Variants in FER observed in about 807,000 individuals in gnomAD.
The protein encoded by FER is FER tyrosine kinase, also known as tyrosine-protein kinase Fer.
Under a neutral mutation model 111.0 loss-of-function variants are expected in FER, and 63 were observed. The ratio of observed to expected loss-of-function variants is 0.57; its 90% confidence interval spans 0.46 to 0.70. FER has a LOEUF of 0.70. FER is among the 30% of genes least tolerant of loss of function. FER has a pLI of 0.00. For synonymous variants in FER, 327 were observed against 313.9 expected (o/e 1.04, Z -0.44); for missense variants, 914 against 954.0 (o/e 0.96, Z 0.55).
intron 16 of FER, among the ~76,000 whole-genome samples, chr5:109,048,336 T>C (rs2149915673): frequency 6.6e-6 from 1 of 152,316 alleles, no homozygotes; most frequent in South Asian, 2.1e-4. Flanking sequence ...GTTAAGTACA[T>C]TGTATGTTTT....
intron 11 of FER, 26 bp from the exon 12 acceptor site, chr5:108,954,703 T>G (rs1581379126): frequency 2.5e-6 from 2 of 803,706 alleles, no homozygotes; most frequent in African/African-American, 3.1e-5. Flanking sequence ...TCTAATTTAG[T>G]TTTTTTTTTT....
Position 109,100,513 on chromosome 5 carries a change from T to C in FER, c.2042T>C (p.Ile681Thr). 1 of 1,609,666 alleles carries C rather than the reference T, an allele frequency of 6.2e-7. No homozygotes were observed. The highest frequency in any genetic ancestry group is 8.5e-7 in the Non-Finnish European group (1 of 1,177,302). ...TTGTATCTCGAGAGTAAAAACTGTA[T>C]ACACAGGTAAGGAGAACATTTTTAA... The part of the protein sequence containing the change: ...GMLYLESKNC[I>T]HRDLAARNCL... Residue 681 changes from isoleucine to threonine, a missense_variant, in exon 17 of 20, where the codon ATA becomes ACA. Around this residue, in one of 3 missense-constraint regions of FER, gnomAD observed 774 missense variants for 782.6 expected, o/e 0.99. Coordinates refer to ENST00000281092, the MANE Select transcript of FER (RefSeq NM_005246.4).
rs551929860 is a variant in FER at position 108,871,130 on chromosome 5, G to A, written c.666-235G>A. ...TCAAATACATTTTTGAAAAGGTAAT[G>A]CCATATTCTATATCATTTGTAATTA... On this transcript the variant is annotated intron_variant, in intron 6 of 19. Transcript: ENST00000281092. 3.3e-5 allele frequency among the ~76,000 whole-genome samples: 5 copies of A among 152,108 alleles called. No homozygotes were observed. In the South Asian group the frequency reaches 1.0e-3, roughly 32 times the overall value.
At chr5:109,089,956 G>A (rs1267790985) in intron 16 of FER, among the ~76,000 whole-genome samples, 1 of 152,158 alleles carries the variant, frequency 6.6e-6, no homozygotes. Context: ...GAGAAAGTCT[G>A]GCTTGGCTTA....
chr5:109,074,899 A>G (rs1383429457), intron 16 of FER, among the ~76,000 whole-genome samples: 2 of 152,260 alleles, frequency 1.3e-5, no homozygotes, highest in African/African-American at 4.8e-5. Flanking sequence ...GTGATTAAAG[A>G]ACAAATGATT....
chr5:109,099,724 A>G (rs1457433704), intron 16 of FER, among the ~76,000 whole-genome samples: 1 of 151,638 alleles, frequency 6.6e-6, no homozygotes, highest in African/African-American at 2.4e-5. Context: ...TGTGGCTACT[A>G]GTAAACTTCA....
chr5:108,845,025 T>C (rs1228770055), intron 5 of FER, among the ~76,000 whole-genome samples: 52 of 54,500 alleles, frequency 9.5e-4, no homozygotes, highest in Non-Finnish European at 1.2e-3. Flanking sequence ...TATATATATA[T>C]ATATATATAT....
chr5:108,953,371 A>G (rs1758012174), intron 11 of FER, among the ~76,000 whole-genome samples: 1 of 151,996 alleles, frequency 6.6e-6, no homozygotes, highest in African/African-American at 2.4e-5. Flanking sequence ...ATGAAAATTA[A>G]AAGACTTAGT....
Position 108,832,475 on chromosome 5 carries a change from C to T in FER, c.208-295C>T, listed in dbSNP as rs539181514. 3.9e-5 allele frequency among the ~76,000 whole-genome samples: 6 copies of T among 152,190 alleles called. No homozygotes were observed. The South Asian group carries it at 1.2e-3, about 32-fold the overall frequency. ...AGCAGTATTTCAGTGTGCTGGAAAA[C>T]AAATGAGAAGTGAACAAATGAAGAC... On this transcript the variant is annotated intron_variant, in intron 3 of 19. Transcript: ENST00000281092.
intron 10 of FER, among the ~76,000 whole-genome samples, chr5:108,931,321 AT>A (rs571215538): frequency 3.3e-5 from 5 of 150,918 alleles, no homozygotes; most frequent in South Asian, 2.1e-4. Flanking sequence ...TTTTCCATGT[AT>A]TTTTTTTTCC....
intron 16 of FER, among the ~76,000 whole-genome samples, chr5:109,052,613 A>C (rs1177954): frequency 6.6e-6 from 1 of 152,232 alleles, no homozygotes; most frequent in Non-Finnish European, 1.5e-5. Flanking sequence ...CTTTCCTCAC[A>C]CCTTCCCCCA....
intron 13 of FER, among the ~76,000 whole-genome samples, chr5:108,999,685 G>A (rs1258124200): frequency 1.4e-5 from 2 of 144,636 alleles, no homozygotes; most frequent in Non-Finnish European, 3.0e-5. Context: ...TTTCATTTAT[G>A]TACACCTTTA....
intron 16 of FER, among the ~76,000 whole-genome samples, chr5:109,086,335 ATTC>A (rs1177861155): frequency 6.6e-6 from 1 of 151,542 alleles, no homozygotes; most frequent in Non-Finnish European, 1.5e-5. Flanking sequence ...TCCCCTAATT[ATTC>A]TTTTCCCATC....
At chr5:108,832,692 A>T in intron 3 of FER, 78 bp from the exon 4 acceptor site, 2 of 1,012,882 alleles carry the variant, frequency 2.0e-6, no homozygotes, top group Non-Finnish European at 2.6e-6. Context: ...CTAAATATTT[A>T]AAGTTTTGAA....
At chr5:108,992,498 CG>C (rs1481044670) in intron 13 of FER, among the ~76,000 whole-genome samples, 4 of 146,368 alleles carry the variant, frequency 2.7e-5, no homozygotes, top group African/African-American at 1.0e-4. Context: ...GCTGGCCGGG[CG>C]GGGGGCTGAC....
chr5:109,159,115 G>T (rs1411119455), intron 17 of FER, among the ~76,000 whole-genome samples: 2 of 152,006 alleles, frequency 1.3e-5, no homozygotes, highest in South Asian at 4.2e-4. Context: ...ATTATCTCTG[G>T]CCAGTTGGGT....
intron 17 of FER, among the ~76,000 whole-genome samples, chr5:109,136,912 G>A (rs1300274841): frequency 2.0e-5 from 3 of 152,134 alleles, no homozygotes; most frequent in African/African-American, 7.2e-5. Flanking sequence ...GTAACCTGAA[G>A]TATTTTTTAT....
chr5:108,824,924 C>T (rs1759292648), intron 3 of FER, among the ~76,000 whole-genome samples: 2 of 145,494 alleles, frequency 1.4e-5, no homozygotes, highest in Admixed American at 1.4e-4. Context: ...GGAGACATCA[C>T]ACATTGGTAG....
intron 13 of FER, among the ~76,000 whole-genome samples, chr5:109,032,828 T>C (rs977758220): frequency 1.3e-5 from 2 of 152,156 alleles, no homozygotes; most frequent in African/African-American, 4.8e-5. Flanking sequence ...AATTGATAAA[T>C]AGGAAAAGTG....
Sources: allele counts gnomAD v4.1 joint callset (sites outside exome capture counted in the v4.1 genomes callset), GRCh38; gene constraint gnomAD v4.1.1; regional missense constraint gnomAD v4.1.1; transcripts MANE v1.5; gene names NCBI Gene and HGNC (gene_info 2026-07-23, HGNC 2026-07-21).